BRCA1: variants seen among roughly 807,000 people sequenced by gnomAD.
BRCA1 encodes the protein breast cancer type 1 susceptibility protein.
Under a neutral mutation model 173.7 loss-of-function variants are expected in BRCA1, and 140 were observed. The ratio of observed to expected loss-of-function variants is 0.81; its 90% CI spans 0.70 to 0.93. The LOEUF (loss-of-function observed/expected upper bound fraction) is 0.93. Among genes scored for constraint, BRCA1 ranks in the 40% least tolerant of loss-of-function variants. The probability of loss-of-function intolerance (pLI) is 0.00; values close to 1 mark genes in which losing one functional copy is unlikely to be tolerated. For synonymous variants in BRCA1, 662 were observed against 756.0 expected (o/e 0.88, Z 2.04); for missense variants, 1,983 against 2,172.5 (o/e 0.91, Z 1.73).
upstream of BRCA1, among the ~76,000 whole-genome samples, chr17:43,128,549 G>A (rs529220123): frequency 5.3e-5 from 8 of 152,246 alleles, no homozygotes; most frequent in African/African-American, 7.2e-5. Context: ...GGAAGGCCAC[G>A]ACTCCTCAGT....
chr17:43,067,354 A>C (rs1222653845), intron 16 of BRCA1: 2 of 378,478 alleles, frequency 5.3e-6, no homozygotes, highest in Non-Finnish European at 9.9e-6. Flanking sequence ...TCCCCGGTTC[A>C]AGTGATTCTC....
chr17:43,075,985 C>T (rs2052693995), intron 13 of BRCA1, among the ~76,000 whole-genome samples: 1 of 151,860 alleles, frequency 6.6e-6, no homozygotes. Flanking sequence ...CCCAGCTACT[C>T]AGGAGGCTAA....
At chr17:43,121,078 G>C (rs35668327) in intron 2 of BRCA1, among the ~76,000 whole-genome samples, 394 of 137,646 alleles carry the variant, frequency 2.9e-3, no homozygotes, top group Middle Eastern at 0.022. Flanking sequence ...CCCCCACCCC[G>C]AAAAAAAAAG....
chr17:43,129,550 T>C (rs1270037129), upstream of BRCA1, among the ~76,000 whole-genome samples: 2 of 152,112 alleles, frequency 1.3e-5, no homozygotes, highest in African/African-American at 4.8e-5. Context: ...GCTAGTGCAC[T>C]GCGAACTCTG....
rs80357428 is a variant in BRCA1, at chr17:43,051,077, G to A, written c.5318C>T (p.Thr1773Ile). Residue 1773 changes from threonine (T) to isoleucine (I), a missense_variant, in exon 20 of 23, where the codon ACC becomes ATC. Physicochemically the swap from Thr to Ile is moderately conservative, Grantham distance 89. Coordinates refer to ENST00000357654, the MANE Select transcript of BRCA1 (RefSeq NM_007294.4). ...CAGGCTCTTACCTGTGGGCATGTTG[G>A]TGAAGGGCCCATAGCAACAGATTTC... ...GLEICCYGPF[T>I]NMPTDQLEWM... 5.6e-6 allele frequency: 9 copies of A among 1,614,100 alleles called. No individual in the cohort carries two copies. In the East Asian group the frequency reaches 1.6e-4, roughly 28 times the overall value.
chr17:43,125,703 C>T (rs137953573), upstream of BRCA1: 1 of 179,504 alleles, frequency 5.6e-6, no homozygotes, highest in Non-Finnish European at 1.2e-5. Flanking sequence ...TACCTATTGT[C>T]CAAAGCAGTC....
At chr17:43,052,880 T>G (rs540414384) in intron 19 of BRCA1, among the ~76,000 whole-genome samples, 26 of 146,012 alleles carry the variant, frequency 1.8e-4, no homozygotes, top group East Asian at 1.4e-3. Context: ...GTCTGTGTGT[T>G]TTTTTTTTTT....
intron 10 of BRCA1, 75 bp downstream of exon 10, chr17:43,091,360 G>A (rs2154263008): frequency 1.9e-6 from 3 of 1,560,884 alleles, no homozygotes; most frequent in Non-Finnish European, 2.6e-6. Context: ...TGTAAAATGT[G>A]CTCCCCAAAA....
chr17:43,126,310 G>C (rs1204904261), upstream of BRCA1, among the ~76,000 whole-genome samples: 2 of 152,230 alleles, frequency 1.3e-5, no homozygotes, highest in Non-Finnish European at 2.9e-5. Context: ...AGTGGTAAGA[G>C]CCAATCTTCT....
At chr17:43,059,077 T>C (rs139315471) in intron 18 of BRCA1, among the ~76,000 whole-genome samples, 2 of 152,188 alleles carry the variant, frequency 1.3e-5, no homozygotes, top group Non-Finnish European at 2.9e-5. Flanking sequence ...AAGACTCCCA[T>C]GTTCATAGTC....
intron 3 of BRCA1, among the ~76,000 whole-genome samples, chr17:43,109,106 G>C (rs993368959): frequency 6.6e-6 from 1 of 152,096 alleles, no homozygotes; most frequent in Admixed American, 6.6e-5. Flanking sequence ...GTGATCGCCT[G>C]CTTCAGCCTC....
chr17:43,118,725 C>T (rs943955134), intron 2 of BRCA1, among the ~76,000 whole-genome samples: 43 of 151,288 alleles, frequency 2.8e-4, no homozygotes, highest in Non-Finnish European at 4.4e-4. Context: ...GTGTGAGCTA[C>T]TATACCCGGC....
At chr17:43,147,109 A>G (rs973148613) in intron 1 of BRCA1, among the ~76,000 whole-genome samples, 4 of 152,048 alleles carry the variant, frequency 2.6e-5, no homozygotes, top group African/African-American at 7.2e-5. Context: ...GGTTCAAGCA[A>G]TTCTGCCTTA....
intron 22 of BRCA1, among the ~76,000 whole-genome samples, chr17:43,046,083 A>T (rs1422117016): frequency 6.6e-6 from 1 of 151,438 alleles, no homozygotes; most frequent in Admixed American, 6.6e-5. Context: ...CATCACACCC[A>T]GCTAATTTTT....
At chr17:43,070,785 G>C in intron 15 of BRCA1, 143 bp downstream of exon 15, 1 of 947,256 alleles carries the variant, frequency 1.1e-6, no homozygotes, top group African/African-American at 1.6e-5. Flanking sequence ...TCAGAAATTA[G>C]TAATCGAAAT....
intron 11 of BRCA1, among the ~76,000 whole-genome samples, chr17:43,088,166 A>G (rs907791980): frequency 3.3e-5 from 5 of 152,360 alleles, no homozygotes; most frequent in South Asian, 2.1e-4. Flanking sequence ...ACAAATTACA[A>G]TTAACTTATC....
intron 18 of BRCA1, among the ~76,000 whole-genome samples, chr17:43,059,898 C>T (rs897318499): frequency 2.0e-5 from 3 of 151,628 alleles, no homozygotes; most frequent in Non-Finnish European, 2.9e-5. Context: ...CTACACTGGC[C>T]TATTATTATT....
intron 18 of BRCA1, among the ~76,000 whole-genome samples, chr17:43,062,602 A>T (rs903864108): frequency 1.6e-4 from 23 of 146,370 alleles, no homozygotes; most frequent in Non-Finnish European, 3.5e-4. Context: ...GCGCTGCAAA[A>T]TTTTTTTTTT....
Position 43,110,276 on chromosome 17 carries a change from C to T in BRCA1, c.135-3743G>A, listed in dbSNP as rs869312517. Among the ~76,000 whole-genome samples the T allele has an allele frequency of 1.3e-5, 2 of 152,078 alleles. No homozygotes were observed. Among genetic ancestry groups the T allele is most frequent in the Admixed American group, 1.3e-4 (2 of 15,252 alleles). On this transcript the variant is annotated intron_variant, in intron 3 of 22. Transcript: ENST00000357654. ...TAAAAGAAAATGAACTTGTATATGA[C>T]TTGAAAAGACAGAGCTAACTAAAAT...
Sources: allele counts gnomAD v4.1 joint callset (sites outside exome capture counted in the v4.1 genomes callset), GRCh38; gene constraint gnomAD v4.1.1; transcripts MANE v1.5; gene names NCBI Gene and HGNC (gene_info 2026-07-23, HGNC 2026-07-21).